Variants in ZNF718 observed in about 807,000 individuals in gnomAD.
ZNF718 encodes the protein zinc finger protein 718.
Under a neutral mutation model 2.6 loss-of-function variants are expected in ZNF718, and 3 were observed. That is an observed-to-expected ratio of 1.16 (90% CI 0.53 to 3.01). ZNF718 has a LOEUF of 3.01. Among genes scored for constraint, ZNF718 ranks in the 30% most tolerant of loss-of-function variants. The pLI is 0.03. For synonymous variants in ZNF718, 135 were observed against 77.9 expected (o/e 1.73, Z -3.86); for missense variants, 468 against 230.0 (o/e 2.03, Z -6.69).
At chr4:185,457 T>A (rs781944620) in intron 3 of ZNF718, among the ~76,000 whole-genome samples, 4 of 152,226 alleles carry the variant, frequency 2.6e-5, no homozygotes, top group Non-Finnish European at 5.9e-5. Flanking sequence ...TATGTGGTGA[T>A]GAGAACAATG....
At chr4:183,818 G>A (rs1717512890) in intron 3 of ZNF718, among the ~76,000 whole-genome samples, 1 of 151,900 alleles carries the variant, frequency 6.6e-6, no homozygotes, top group Non-Finnish European at 1.5e-5. Context: ...GCCTGTTTTT[G>A]GTACATAGGA....
At chr4:134,273 A>G (rs1553808908) in intron 3 of ZNF718, among the ~76,000 whole-genome samples, 1 of 152,094 alleles carries the variant, frequency 6.6e-6, no homozygotes, top group Non-Finnish European at 1.5e-5. Flanking sequence ...CAGCCTCCCA[A>G]GTAGCTGGGA....
intron 3 of ZNF718, among the ~76,000 whole-genome samples, chr4:172,809 A>G (rs1043836591): frequency 1.2e-4 from 18 of 152,146 alleles, no homozygotes; most frequent in African/African-American, 4.1e-4. Flanking sequence ...TAATCCCAGC[A>G]TGTTGGGAGG....
At position 198,004 on chromosome 4, in the gene ZNF718, T is replaced by G. The variant is rs115137603; in HGVS notation, c.227-3077T>G. ...AGGAGATGACTGAAGGATAAAGAGTTGATTTATGAGATAGAGGCATGGTCT... is the reference window on the plus strand; with the variant it reads ...AGGAGATGACTGAAGGATAAAGAGTGGATTTATGAGATAGAGGCATGGTCT... On this transcript the variant is annotated intron_variant and NMD_transcript_variant, in intron 3 of 4. Transcript: ENST00000642529. 5.1e-3 allele frequency among the ~76,000 whole-genome samples: 781 copies of G among 152,120 alleles called. 5 individuals carry two copies. The highest frequency in any genetic ancestry group is 7.9e-3 in the Admixed American group (121 of 15,290).
rs781830190 is a variant in ZNF718, at chr4:161,780, A to G, written c.1095A>G (p.Lys365=). Residue 365 remains lysine (K), a synonymous_variant, in exon 4 of 4, where the codon AAA becomes AAG. Coordinates refer to ENST00000510175, the MANE Select transcript of ZNF718 (RefSeq NM_001039127.6). ...ATAAGAGAATCCATACTGGAGAGAA[A>G]CCCTACACATGTGAAGAATGTGGAA... ...TTHKRIHTGE[K]PYTCEECGKA... is the part of the protein sequence containing the mutation. 6 of 780,418 alleles carry G rather than the reference A, an allele frequency of 7.7e-6. No homozygotes were observed. In the East Asian group the frequency reaches 1.5e-4, roughly 19 times the overall value. 48.3% of individuals were successfully genotyped at this position (780,418 alleles called of 1,614,324 possible). A position where few individuals can be genotyped will look rare whatever the true frequency, so the allele number is the denominator to read the frequency against.
intron 3 of ZNF718, chr4:136,551 GTGAGGCCCTGCT>G: frequency 2.0e-6 from 1 of 489,888 alleles, no homozygotes; most frequent in African/African-American, 1.9e-5. Context: ...GGCCACCTGG[GTGAGGCCCTGCT>G]TTTTCCAAAT....
At chr4:176,705 T>C (rs1717352387) in intron 3 of ZNF718, among the ~76,000 whole-genome samples, 3 of 152,204 alleles carry the variant, frequency 2.0e-5, no homozygotes, top group African/African-American at 7.2e-5. Flanking sequence ...CCAGTATGAA[T>C]TATGCAATAG....
downstream of ZNF718, among the ~76,000 whole-genome samples, chr4:167,211 T>C (rs1281719862): frequency 3.3e-5 from 5 of 152,134 alleles, no homozygotes; most frequent in Non-Finnish European, 7.4e-5. Flanking sequence ...TTGGTCTATA[T>C]CTCTGTTTTG....
intron 3 of ZNF718, among the ~76,000 whole-genome samples, chr4:174,112 C>CT (rs1448305678): frequency 1.3e-5 from 2 of 152,104 alleles, no homozygotes; most frequent in African/African-American, 4.8e-5. Flanking sequence ...TCCTTTGTAT[C>CT]TACTCCTCAC....
At chr4:176,832 C>G (rs1003048899) in intron 3 of ZNF718, among the ~76,000 whole-genome samples, 1 of 152,210 alleles carries the variant, frequency 6.6e-6, no homozygotes, top group East Asian at 1.9e-4. Context: ...GTCTAACTCT[C>G]TAGACAGCAG....
intron 3 of ZNF718, among the ~76,000 whole-genome samples, chr4:140,034 T>G (rs1715743782): frequency 6.6e-6 from 1 of 152,162 alleles, no homozygotes; most frequent in African/African-American, 2.4e-5. Flanking sequence ...TTTTATCTTT[T>G]CTGCACGTGG....
chr4:165,828 TA>T (rs1482985300), downstream of ZNF718, among the ~76,000 whole-genome samples: 1 of 150,630 alleles, frequency 6.6e-6, no homozygotes, highest in Non-Finnish European at 1.5e-5. Context: ...GAGACAGTGA[TA>T]GGTGAGATAT....
chr4:172,101 G>C (rs1553818165), intron 3 of ZNF718, among the ~76,000 whole-genome samples: 1 of 152,114 alleles, frequency 6.6e-6, no homozygotes, highest in East Asian at 1.9e-4. Flanking sequence ...CGTACATGGT[G>C]ACTAGTCACC....
chr4:138,296 T>C (rs541288450), intron 3 of ZNF718, among the ~76,000 whole-genome samples: 20 of 152,342 alleles, frequency 1.3e-4, no homozygotes, highest in African/African-American at 3.8e-4. Flanking sequence ...TGCTACACTT[T>C]CCAGCCTCTG....
At chr4:152,879 C>T (rs1553812872) in intron 3 of ZNF718, among the ~76,000 whole-genome samples, 1 of 150,586 alleles carries the variant, frequency 6.6e-6, no homozygotes. Flanking sequence ...TGTAGATTAT[C>T]TCTTCACTCT....
intron 3 of ZNF718, among the ~76,000 whole-genome samples, chr4:134,151 G>C (rs1215712585): frequency 6.6e-6 from 1 of 151,906 alleles, no homozygotes; most frequent in Admixed American, 6.6e-5. Flanking sequence ...GTTTTGTTTT[G>C]TTTTGTTTTG....
rs75940475 is a variant in ZNF718, at chr4:180,206, A to T, written c.227-20875A>T. On this transcript the variant is annotated intron_variant and NMD_transcript_variant, in intron 3 of 4. Transcript: ENST00000642529. ...ACAATTTCCATTTTTATCGCTTTTC[A>T]TTCATTGTGTAAGTTACCTACACTT... Among the ~76,000 whole-genome samples, 245 of 152,316 alleles carry T rather than the reference A, an allele frequency of 1.6e-3. 3 individuals are homozygous for T. In the East Asian group the frequency reaches 0.035, roughly 22 times the overall value.
intron 3 of ZNF718, among the ~76,000 whole-genome samples, chr4:197,733 C>T (rs1717820488): frequency 6.6e-6 from 1 of 152,176 alleles, no homozygotes; most frequent in African/African-American, 2.4e-5. Context: ...GCAGGAGTAC[C>T]TGGCAGGTGG....
chr4:172,112 A>G (rs116498447), intron 3 of ZNF718, among the ~76,000 whole-genome samples: 2 of 152,192 alleles, frequency 1.3e-5, no homozygotes, highest in Non-Finnish European at 2.9e-5. Context: ...ACTAGTCACC[A>G]TGCTGTACAA....
Sources: allele counts gnomAD v4.1 joint callset (sites outside exome capture counted in the v4.1 genomes callset), GRCh38; gene constraint gnomAD v4.1.1; transcripts MANE v1.5; gene names NCBI Gene and HGNC (gene_info 2026-07-23, HGNC 2026-07-21).